The following OSBPL3 variants were observed in gnomAD, a reference collection of about 807,000 sequenced individuals.
OSBPL3 encodes oxysterol binding protein like 3.
OSBPL3 carries 65 observed loss-of-function variants against 120.1 expected under a neutral mutation model. That is an observed-to-expected ratio of 0.54 (90% CI 0.44 to 0.67). OSBPL3 has a LOEUF of 0.67. Among genes scored for constraint, OSBPL3 ranks in the 30% least tolerant of loss-of-function variants. OSBPL3 has a pLI of 0.00. For synonymous variants in OSBPL3, 416 were observed against 402.6 expected, an observed-to-expected ratio of 1.03 and a Z score of -0.40; for missense variants, 1,004 against 1,082.1, an observed-to-expected ratio of 0.93 and a Z score of 1.01.
Position 24,803,278 on chromosome 7 carries a change from C to T in OSBPL3, c.2567+1037G>A, listed in dbSNP as rs532357809. Among the ~76,000 whole-genome samples the T allele has an allele frequency of 6.6e-5, 10 of 152,158 alleles. No homozygotes were observed. The highest frequency in any genetic ancestry group is 2.2e-4 in the African/African-American group (9 of 41,430). On this transcript the variant is annotated intron_variant, in intron 22 of 22. Transcript: ENST00000313367. The surrounding 1 kb of genome is among the most constrained non-coding windows in gnomAD (Gnocchi z 4.2). ...CAGGAACTTGCTGCTTTTTCACATACACCTATTTAAGTTTTTTAAAAAAAG... is the reference window on the plus strand; with the variant it reads ...CAGGAACTTGCTGCTTTTTCACATATACCTATTTAAGTTTTTTAAAAAAAG...
chr7:24,858,154 C>G (rs1382268177), intron 10 of OSBPL3, among the ~76,000 whole-genome samples: 1 of 152,132 alleles, frequency 6.6e-6, no homozygotes, highest in African/African-American at 2.4e-5. Flanking sequence ...ACTTTTAAAA[C>G]TAGCATGGGT....
intron 12 of OSBPL3, among the ~76,000 whole-genome samples, chr7:24,846,125 A>G (rs186897467): frequency 1.2e-4 from 19 of 152,324 alleles, no homozygotes; most frequent in Admixed American, 4.6e-4. Context: ...ATACAAAATA[A>G]CATCTATGCT....
intron 1 of OSBPL3, among the ~76,000 whole-genome samples, chr7:24,963,029 C>T (rs1815966122): frequency 6.6e-6 from 1 of 152,180 alleles, no homozygotes; most frequent in Admixed American, 6.5e-5. Flanking sequence ...TTCCCTGCAT[C>T]TTCAGAACTT....
At chr7:24,842,469 G>A in intron 12 of OSBPL3, 56 bp from the exon 13 acceptor site, 1 of 1,326,064 alleles carries the variant, frequency 7.5e-7, no homozygotes, top group Non-Finnish European at 1.1e-6. Flanking sequence ...TCAAGAGAAA[G>A]AAAATAAATG....
At chr7:24,886,209 A>G (rs1344999850) in intron 2 of OSBPL3, among the ~76,000 whole-genome samples, 1 of 152,200 alleles carries the variant, frequency 6.6e-6, no homozygotes, top group African/African-American at 2.4e-5. Flanking sequence ...AAATTATCCA[A>G]ATTTCGCAGC....
At position 24,852,495 on chromosome 7, in the gene OSBPL3, G is replaced by A. The variant is rs770506949; in HGVS notation, c.1158+9C>T. The A allele has an allele frequency of 6.4e-7, 1 of 1,559,086 alleles. No individual in the cohort carries two copies. The highest frequency in any genetic ancestry group is 8.6e-7 in the Non-Finnish European group (1 of 1,159,344). Reference sequence around the variant, plus strand: ...CTCAGGCATTCCTGGAGGCAGACATGTAACTTACGGATGACAGGGCGTTCT... The same window carrying A: ...CTCAGGCATTCCTGGAGGCAGACATATAACTTACGGATGACAGGGCGTTCT... On this transcript the variant is annotated intron_variant, in intron 11 of 22. Transcript: ENST00000313367. This position sits in a 1 kb window ranked among gnomAD's most constrained non-coding sequence, Gnocchi z 4.1.
intron 20 of OSBPL3, among the ~76,000 whole-genome samples, chr7:24,807,622 ACT>A (rs1793229204): frequency 1.3e-5 from 2 of 151,868 alleles, no homozygotes; most frequent in East Asian, 1.9e-4. Context: ...TTCTCTTGAA[ACT>A]CTGTTTAGTA....
chr7:24,937,603 C>A lies in OSBPL3; in HGVS notation c.-150+42283G>T, dbSNP rs1002574468. Among the ~76,000 whole-genome samples the A allele has an allele frequency of 6.6e-6, 1 of 152,184 alleles. No homozygotes were observed. The highest frequency in any genetic ancestry group is 6.5e-5 in the Admixed American group (1 of 15,284). ...ACAAACAATACAGCAGTGAACAGAG[C>A]ATACATGAGACGTCCCAATACATGT... On this transcript the variant is annotated intron_variant, in intron 1 of 22. Transcript: ENST00000313367. This position sits in a 1 kb window ranked among gnomAD's most constrained non-coding sequence, Gnocchi z 4.0.
intron 1 of OSBPL3, among the ~76,000 whole-genome samples, chr7:24,920,267 TA>T (rs1421353662): frequency 6.6e-6 from 1 of 152,042 alleles, no homozygotes; most frequent in Non-Finnish European, 1.5e-5. Context: ...AATACATAAA[TA>T]AAAAGTAGAA....
chr7:24,857,560 C>T (rs1799988504), intron 10 of OSBPL3, among the ~76,000 whole-genome samples: 1 of 152,178 alleles, frequency 6.6e-6, no homozygotes, highest in African/African-American at 2.4e-5. Context: ...ATTTAACAGG[C>T]TATCAAGGGC....
intron 1 of OSBPL3, among the ~76,000 whole-genome samples, chr7:24,910,959 T>G (rs1808738116): frequency 6.6e-6 from 1 of 152,120 alleles, no homozygotes; most frequent in Non-Finnish European, 1.5e-5. Flanking sequence ...TACTAACTGG[T>G]CCAGACACTG....
Position 24,862,810 on chromosome 7 carries a change from C to G in OSBPL3, c.870+390G>C, listed in dbSNP as rs1800760808. Among the ~76,000 whole-genome samples, 1 of 152,022 alleles carries G rather than the reference C, an allele frequency of 6.6e-6. No individual in the cohort carries two copies. The highest frequency in any genetic ancestry group is 2.1e-4 in the South Asian group (1 of 4,824). On this transcript the variant is annotated intron_variant, in intron 9 of 22. Transcript: ENST00000313367. This position sits in a 1 kb window ranked among gnomAD's most constrained non-coding sequence, Gnocchi z 4.4. ...CTGTGGGCTTAGAGGGATGACAAAT[C>G]CATGGAGCATCAGCGGAAGACACAG...
At chr7:24,974,364 G>T (rs77762309) in intron 1 of OSBPL3, among the ~76,000 whole-genome samples, 2 of 152,156 alleles carry the variant, frequency 1.3e-5, no homozygotes, top group Non-Finnish European at 2.9e-5. Flanking sequence ...CAAATCAGTA[G>T]GTAAACCATC....
chr7:24,817,584 T>A lies in OSBPL3; in HGVS notation c.1949-896A>T, dbSNP rs1253977409. The stretch of plus-strand genomic sequence containing the variant: ...AAGAGTCTGGTTTGTGTGCACTGAG[T>A]GGAAATAATCAGGCCACTGATGTGA... On this transcript the variant is annotated intron_variant, in intron 17 of 22. Transcript: ENST00000313367. The surrounding 1 kb of genome is among the most constrained non-coding windows in gnomAD (Gnocchi z 4.0). Among the ~76,000 whole-genome samples the A allele has an allele frequency of 1.3e-5, 2 of 151,548 alleles. No individual in the cohort carries two copies. Among genetic ancestry groups the A allele is most frequent in the African/African-American group, 4.9e-5 (2 of 41,180 alleles).
chr7:24,832,509 C>CAAAAAA (rs1191532612), intron 15 of OSBPL3, among the ~76,000 whole-genome samples: 28 of 96,636 alleles, frequency 2.9e-4, no homozygotes, highest in East Asian at 1.2e-3. Context: ...GACTCTGCCT[C>CAAAAAA]AAAGAAAAAA....
chr7:24,942,455 TTCTC>T (rs2128484331), intron 1 of OSBPL3, among the ~76,000 whole-genome samples: 1 of 46,502 alleles, frequency 2.2e-5, no homozygotes, highest in Non-Finnish European at 3.6e-5. Flanking sequence ...CACGGGCCTC[TTCTC>T]TGTCATGGTA....
chr7:24,825,438 G>C (rs897658357), intron 16 of OSBPL3, among the ~76,000 whole-genome samples: 6 of 152,292 alleles, frequency 3.9e-5, no homozygotes, highest in East Asian at 1.9e-4. Context: ...CCCATGTTCA[G>C]AGTGAATCAC....
intron 1 of OSBPL3, among the ~76,000 whole-genome samples, chr7:24,941,114 C>T (rs915897389): frequency 2.0e-5 from 3 of 152,300 alleles, no homozygotes; most frequent in South Asian, 2.1e-4. Flanking sequence ...CCACCGCACC[C>T]GGCCAACATT....
chr7:24,929,694 A>C (rs1461560907), intron 1 of OSBPL3, among the ~76,000 whole-genome samples: 1 of 152,208 alleles, frequency 6.6e-6, no homozygotes, highest in Non-Finnish European at 1.5e-5. Flanking sequence ...CTAATTTGCC[A>C]AATCATGAAC....
Sources: allele counts gnomAD v4.1 joint callset (sites outside exome capture counted in the v4.1 genomes callset), GRCh38; gene constraint gnomAD v4.1.1; non-coding constraint Gnocchi (gnomAD v3.1); transcripts MANE v1.5; gene names NCBI Gene and HGNC (gene_info 2026-07-23, HGNC 2026-07-21).